Variants in PREX2 observed in about 807,000 individuals in gnomAD.
PREX2 encodes phosphatidylinositol-3,4,5-trisphosphate dependent Rac exchange factor 2, also known as phosphatidylinositol 3,4,5-trisphosphate-dependent Rac exchanger 2 protein.
PREX2 carries 107 observed loss-of-function variants against 203.2 expected under a neutral mutation model. The observed-to-expected ratio is 0.53, with a 90% CI of 0.45 to 0.62. The LOEUF is 0.62. PREX2 is among the 20% of genes least tolerant of loss of function. PREX2 has a pLI of 0.00. For synonymous variants in PREX2, 672 were observed against 663.6 expected (o/e 1.01, Z -0.19); for missense variants, 1,777 against 1,955.9 (o/e 0.91, Z 1.72).
chr8:68,191,643 C>A, intron 35 of PREX2, 79 bp from the exon 36 acceptor site: 1 of 1,017,348 alleles, frequency 9.8e-7, no homozygotes, highest in South Asian at 1.4e-5. Context: ...AAAAAAAAGT[C>A]AGTGATTCTT....
At chr8:68,155,885 C>T (rs1190526875) in intron 34 of PREX2, among the ~76,000 whole-genome samples, 2 of 152,036 alleles carry the variant, frequency 1.3e-5, no homozygotes, top group Non-Finnish European at 2.9e-5. Flanking sequence ...TTTCAAAATA[C>T]ATTTAAAATT....
At chr8:68,154,897 G>A (rs987788695) in intron 34 of PREX2, among the ~76,000 whole-genome samples, 4 of 152,184 alleles carry the variant, frequency 2.6e-5, no homozygotes, top group African/African-American at 9.7e-5. Context: ...GGTGGGGAAT[G>A]TAGGAGGCAG....
chr8:68,140,985 T>TATA (rs1355956853), intron 33 of PREX2, among the ~76,000 whole-genome samples: 2 of 152,106 alleles, frequency 1.3e-5, no homozygotes, highest in Non-Finnish European at 2.9e-5. Flanking sequence ...GAAATAATTA[T>TATA]TAAATATATA....
intron 7 of PREX2, among the ~76,000 whole-genome samples, chr8:68,039,836 T>C (rs1441025644): frequency 6.6e-6 from 1 of 152,190 alleles, no homozygotes; most frequent in Non-Finnish European, 1.5e-5. Flanking sequence ...TCATTACTAC[T>C]CTGCTCCAGG....
intron 39 of PREX2, among the ~76,000 whole-genome samples, chr8:68,230,993 G>A (rs4573255): frequency 0.11 from 16,335 of 152,084 alleles, 925 homozygotes; most frequent in South Asian, 0.11. Context: ...GGTAATTATC[G>A]TAATAATATC....
chr8:68,122,939 T>C (rs770731892), intron 30 of PREX2, among the ~76,000 whole-genome samples: 38 of 152,242 alleles, frequency 2.5e-4, no homozygotes, highest in South Asian at 2.1e-4. Flanking sequence ...TCATCGATTT[T>C]AGTGTATGTG....
intron 26 of PREX2, 23 bp from the exon 27 acceptor site, chr8:68,118,527 A>T: frequency 6.4e-7 from 1 of 1,559,136 alleles, no homozygotes; most frequent in Non-Finnish European, 8.8e-7. Context: ...CTCTTACAGT[A>T]ACATGAAACC....
At chr8:68,145,533 A>G (rs2129613644) in intron 33 of PREX2, among the ~76,000 whole-genome samples, 1 of 152,294 alleles carries the variant, frequency 6.6e-6, no homozygotes, top group Non-Finnish European at 1.5e-5. Context: ...GGATGATTTT[A>G]CATTCTTTTC....
chr8:68,134,126 C>T lies in PREX2; in HGVS notation c.3834C>T (p.Phe1278=). ...CQTLVATVCA[F]SEQLMAALNQ... is the part of the protein sequence containing the mutation. ...CTCTTGTGGCCACTGTCTGTGCCTT[C>T]TCTGAGCAGCTCATGGCGGCCTTGA... The change falls in exon 32 of 40, where the codon TTC becomes TTT. Residue 1278 remains phenylalanine, a synonymous_variant. Transcript: ENST00000288368. The T allele has an allele frequency of 1.2e-6, 2 of 1,614,158 alleles. No homozygotes were observed. The highest frequency in any genetic ancestry group is 1.7e-6 in the Non-Finnish European group (2 of 1,180,016).
chr8:68,121,757 A>G (rs1193919715), intron 30 of PREX2, among the ~76,000 whole-genome samples: 2 of 152,274 alleles, frequency 1.3e-5, no homozygotes, highest in East Asian at 3.9e-4. Context: ...GGTTGGCAAC[A>G]TCTGGAGGTA....
In PREX2 at chr8:68,234,456, T is replaced by C. The variant is rs1813228880; in HGVS notation, c.*3078T>C. ...ATAATTGTGAACTAAAAATTCATAGTCAATACTTTTTAAGCATTCTATTAT... is the reference window on the plus strand; with the variant it reads ...ATAATTGTGAACTAAAAATTCATAGCCAATACTTTTTAAGCATTCTATTAT... On this transcript the variant is annotated 3_prime_UTR_variant, in exon 40 of 40. Transcript: ENST00000288368. 6.6e-6 allele frequency: 1 copy of C among 152,160 alleles called. No homozygotes were observed. The highest frequency in any genetic ancestry group is 2.1e-4 in the South Asian group (1 of 4,828). 9.4% of individuals were successfully genotyped at this position (152,160 alleles called of 1,614,324 possible).
At chr8:68,062,487 A>C (rs1808887819) in intron 11 of PREX2, among the ~76,000 whole-genome samples, 1 of 152,082 alleles carries the variant, frequency 6.6e-6, no homozygotes, top group Admixed American at 6.5e-5. Context: ...CATTGTACCT[A>C]ACTTGTTGCA....
intron 7 of PREX2, among the ~76,000 whole-genome samples, chr8:68,039,770 A>G (rs906751836): frequency 6.2e-4 from 95 of 152,216 alleles, no homozygotes; most frequent in African/African-American, 2.2e-3. Context: ...TCCATTAGAA[A>G]ATCTTCCTGC....
At chr8:68,177,943 T>C (rs1482941057) in intron 35 of PREX2, among the ~76,000 whole-genome samples, 1 of 152,194 alleles carries the variant, frequency 6.6e-6, no homozygotes, top group Admixed American at 6.6e-5. Context: ...TCCACCGTCA[T>C]CCATGTCCCT....
chr8:68,041,382 G>A (rs1808193461), intron 7 of PREX2, among the ~76,000 whole-genome samples: 1 of 152,118 alleles, frequency 6.6e-6, no homozygotes, highest in Non-Finnish European at 1.5e-5. Context: ...TAGCTATGAT[G>A]ATGATATATG....
intron 37 of PREX2, among the ~76,000 whole-genome samples, chr8:68,209,821 C>T (rs559047867): frequency 3.9e-5 from 6 of 152,288 alleles, no homozygotes; most frequent in Non-Finnish European, 7.4e-5. Context: ...GGCTAGTACA[C>T]GCTTTCTACA....
intron 33 of PREX2, among the ~76,000 whole-genome samples, chr8:68,141,016 C>T (rs1162233527): frequency 1.3e-5 from 2 of 151,986 alleles, no homozygotes; most frequent in East Asian, 1.9e-4. Context: ...AGTACTGAAC[C>T]AAGTTCTAGG....
chr8:68,203,638 G>T (rs1209362803), intron 37 of PREX2, among the ~76,000 whole-genome samples: 1 of 152,156 alleles, frequency 6.6e-6, no homozygotes, highest in Non-Finnish European at 1.5e-5. Context: ...AGAATAATCA[G>T]CTGCCAACTA....
intron 39 of PREX2, among the ~76,000 whole-genome samples, chr8:68,226,867 C>A (rs1813066076): frequency 6.6e-6 from 1 of 152,206 alleles, no homozygotes; most frequent in Non-Finnish European, 1.5e-5. Context: ...TCACAGAATA[C>A]TCCTGGGCCT....
Sources: gnomAD v4.1 joint callset for allele counts (sites outside exome capture counted in the v4.1 genomes callset) on GRCh38, gnomAD v4.1.1 for gene constraint, MANE v1.5 for transcripts, NCBI Gene and HGNC (gene_info 2026-07-23, HGNC 2026-07-21) for gene names.